RNF24: variants seen among roughly 807,000 people sequenced by gnomAD.
RNF24 encodes the protein ring finger protein 24.
RNF24 carries 14 observed loss-of-function variants against 20.0 expected under a neutral mutation model. The ratio of observed to expected loss-of-function variants is 0.70; its 90% CI spans 0.46 to 1.10. RNF24 has a LOEUF of 1.10. RNF24 is among the 50% of genes least tolerant of loss of function. RNF24 has a pLI of 0.00. For synonymous variants in RNF24, 45 were observed against 61.1 expected (o/e 0.74, Z 1.23); for missense variants, 124 against 177.6 (o/e 0.70, Z 1.71).
At chr20:3,997,889 C>T (rs17287822) in intron 1 of RNF24, among the ~76,000 whole-genome samples, 20,898 of 152,284 alleles carry the variant, frequency 0.14, 1,581 homozygotes, top group Non-Finnish European at 0.17. Flanking sequence ...CACAGAACTA[C>T]ATTCAGCACT....
In RNF24 at chr20:3,935,080, G is replaced by A. The variant is rs2090874201; in HGVS notation, c.229-7C>T. On this transcript the variant is annotated splice_region_variant and splice_polypyrimidine_tract_variant and intron_variant, in intron 4 of 5. Transcript: ENST00000358395. ...CTAGGCACACTGCACAGAGCTGAAAGACAAATGCACAAATGAAGCCAAGTG... is the reference window on the plus strand; with the variant it reads ...CTAGGCACACTGCACAGAGCTGAAAAACAAATGCACAAATGAAGCCAAGTG... The A allele has an allele frequency of 6.2e-7, 1 of 1,613,354 alleles. No homozygotes were observed. The highest frequency in any genetic ancestry group is 1.1e-5 in the South Asian group (1 of 91,054).
At position 3,928,834 on chromosome 20, in the gene RNF24, T is replaced by C. The variant is rs1005969700; in HGVS notation, c.*5229A>G. 6.6e-6 allele frequency: 1 copy of C among 150,458 alleles called. No homozygotes were observed. Among genetic ancestry groups the C allele is most frequent in the Non-Finnish European group, 1.5e-5 (1 of 67,652 alleles). 9.3% of individuals were successfully genotyped at this position (150,458 alleles called of 1,614,324 possible). On this transcript the variant is annotated 3_prime_UTR_variant, in exon 6 of 6. Coordinates refer to ENST00000358395, the MANE Select transcript of RNF24 (RefSeq NM_001134337.3). ...AAAACAAGGCATAAAGGGAAAATTC[T>C]GTAGGAAGCATTTTCTTTTCTTGTG...
At chr20:4,008,714 T>TTTG (rs1211027984) in intron 1 of RNF24, among the ~76,000 whole-genome samples, 2 of 149,686 alleles carry the variant, frequency 1.3e-5, no homozygotes, top group African/African-American at 2.5e-5. Context: ...ACCCGGCTAA[T>TTTG]TTGTTGTATT....
intron 2 of RNF24, among the ~76,000 whole-genome samples, chr20:3,953,490 A>G (rs1449011279): frequency 4.4e-5 from 6 of 135,028 alleles, no homozygotes; most frequent in Non-Finnish European, 9.2e-5. Flanking sequence ...TTTGAGACGG[A>G]GTCTTGCTCT....
At position 3,982,525 on chromosome 20, in the gene RNF24, C is replaced by T. The variant is rs575925618; in HGVS notation, c.-7-18501G>A. ...CCAGGAGGTGGAGGTTGCAGTGAGC[C>T]GAGATCGTGCCATTTTGCACTCTAG... On this transcript the variant is annotated intron_variant, in intron 1 of 5. Coordinates refer to ENST00000358395, the MANE Select transcript of RNF24 (RefSeq NM_001134337.3). Among the ~76,000 whole-genome samples, 253 of 143,146 alleles carry T rather than the reference C, an allele frequency of 1.8e-3. 1 individual carries two copies. Among genetic ancestry groups the T allele is most frequent in the African/African-American group, 6.1e-3 (237 of 38,678 alleles). 93.9% of individuals were successfully genotyped at this position (143,146 alleles called of 152,430 possible).
intron 1 of RNF24, among the ~76,000 whole-genome samples, chr20:3,973,500 C>CAAAAAAAAA (rs56824542): frequency 3.5e-4 from 35 of 101,092 alleles, no homozygotes; most frequent in Middle Eastern, 6.3e-3. Flanking sequence ...GGAAGAATGA[C>CAAAAAAAAA]AAAAAAAAAA....
At position 3,929,504 on chromosome 20, in the gene RNF24, C is replaced by T. The variant is rs2090788334; in HGVS notation, c.*4559G>A. The T allele has an allele frequency of 1.3e-5, 2 of 152,324 alleles. No homozygotes were observed. Among genetic ancestry groups the T allele is most frequent in the Admixed American group, 1.3e-4 (2 of 15,284 alleles). The allele number at this position is 152,324 out of a possible 1,614,324, so 9.4% of individuals were successfully genotyped here. On this transcript the variant is annotated 3_prime_UTR_variant, in exon 6 of 6. Coordinates refer to ENST00000358395, the MANE Select transcript of RNF24 (RefSeq NM_001134337.3). ...TGCACTTGCTCAGTAGCTAAGATGT[C>T]TGCCCCACAAAATAGAAGCCTTCAG...
intron 1 of RNF24, among the ~76,000 whole-genome samples, chr20:4,008,981 AT>A (rs1319309159): frequency 3.9e-5 from 6 of 152,172 alleles, no homozygotes; most frequent in Non-Finnish European, 7.4e-5. Flanking sequence ...AAAAACATGG[AT>A]TCTCTTGTTA....
chr20:4,000,455 G>A (rs909609051), intron 1 of RNF24, among the ~76,000 whole-genome samples: 1 of 152,116 alleles, frequency 6.6e-6, no homozygotes, highest in Non-Finnish European at 1.5e-5. Context: ...AACCTGGGAG[G>A]TGGAGGCTGC....
chr20:3,976,077 A>G (rs539718045), intron 1 of RNF24, among the ~76,000 whole-genome samples: 12 of 152,268 alleles, frequency 7.9e-5, no homozygotes, highest in Non-Finnish European at 1.3e-4. Context: ...GTGAGCCACT[A>G]TGCCTGGCCA....
chr20:3,952,978 T>C (rs2091099297), intron 2 of RNF24, among the ~76,000 whole-genome samples: 1 of 152,176 alleles, frequency 6.6e-6, no homozygotes, highest in South Asian at 2.1e-4. Context: ...ATAATATCCT[T>C]GTCAGGCTTT....
intron 2 of RNF24, among the ~76,000 whole-genome samples, chr20:3,951,340 G>C (rs1380338449): frequency 6.6e-6 from 1 of 152,068 alleles, no homozygotes; most frequent in African/African-American, 2.4e-5. Context: ...ATTCTTTCTT[G>C]GTGGAATTTG....
chr20:3,948,560 G>A (rs1200623215), intron 2 of RNF24, among the ~76,000 whole-genome samples: 3 of 151,856 alleles, frequency 2.0e-5, no homozygotes, highest in African/African-American at 7.3e-5. Context: ...TTCTTAATTA[G>A]AAAAAATTTA....
At chr20:3,966,075 C>T (rs1456042502) in intron 1 of RNF24, among the ~76,000 whole-genome samples, 6 of 130,690 alleles carry the variant, frequency 4.6e-5, no homozygotes, top group Non-Finnish European at 7.7e-5. Context: ...TGGTTGGTTG[C>T]AGTGAGCCAA....
chr20:3,934,147 T>C lies in RNF24; in HGVS notation c.363A>G (p.Pro121=), dbSNP rs1446403213. The C allele has an allele frequency of 6.3e-7, 1 of 1,595,198 alleles. No individual in the cohort carries two copies. Among genetic ancestry groups the C allele is most frequent in the East Asian group, 2.3e-5 (1 of 42,710 alleles). ...TGTGCAACTGGGCCAGCTGTAGAAC[T>C]GGCATGTTGCACAGGGGACACACTT... ...VRKVCPLCNM[P]VLQLAQLHSK... is the part of the protein sequence containing the mutation. The change falls in exon 6 of 6, where the codon CCA becomes CCG. Residue 121 remains proline (P), a synonymous_variant. Coordinates refer to ENST00000358395, the MANE Select transcript of RNF24 (RefSeq NM_001134337.3). The surrounding 1 kb of genome is among the most constrained non-coding windows in gnomAD (Gnocchi z 4.0).
intron 4 of RNF24, among the ~76,000 whole-genome samples, chr20:3,938,656 G>A (rs984089699): frequency 6.6e-6 from 1 of 152,154 alleles, no homozygotes; most frequent in Non-Finnish European, 1.5e-5. Context: ...TTAAATACAA[G>A]ACCCTTATCA....
rs1384336955 is a variant in RNF24 at position 4,009,316 on chromosome 20, G to A, written c.-8+6121C>T. Among the ~76,000 whole-genome samples the A allele has an allele frequency of 5.9e-5, 9 of 152,198 alleles. No homozygotes were observed. The East Asian group carries it at 1.2e-3, about 20-fold the overall frequency. Reference sequence around the variant, plus strand: ...AAAGTTGTTTGCTGAAGCTTATTCTGATTTTAAAGATGGGCAACGTCACGG... The same window carrying A: ...AAAGTTGTTTGCTGAAGCTTATTCTAATTTTAAAGATGGGCAACGTCACGG... On this transcript the variant is annotated intron_variant, in intron 1 of 5. Coordinates refer to ENST00000358395, the MANE Select transcript of RNF24 (RefSeq NM_001134337.3).
intron 1 of RNF24, among the ~76,000 whole-genome samples, chr20:3,988,847 C>A (rs1980158856): frequency 6.6e-6 from 1 of 151,874 alleles, no homozygotes; most frequent in Non-Finnish European, 1.5e-5. Context: ...AGAAAACCAA[C>A]CTGATTGTAA....
chr20:4,009,428 G>A (rs1182567764), intron 1 of RNF24, among the ~76,000 whole-genome samples: 1 of 152,172 alleles, frequency 6.6e-6, no homozygotes, highest in Non-Finnish European at 1.5e-5. Flanking sequence ...TGTGAGATAT[G>A]AGGGGGCATG....
Sources: gnomAD v4.1 joint callset for allele counts (sites outside exome capture counted in the v4.1 genomes callset) on GRCh38, gnomAD v4.1.1 for gene constraint, Gnocchi (gnomAD v3.1) non-coding constraint, MANE v1.5 for transcripts, NCBI Gene and HGNC (gene_info 2026-07-23, HGNC 2026-07-21) for gene names.